SAFB: variants seen among roughly 807,000 people sequenced by gnomAD.
The protein encoded by SAFB is scaffold attachment factor B.
SAFB carries 15 observed loss-of-function variants against 101.6 expected under a neutral mutation model. The observed-to-expected ratio is 0.15, with a 90% CI of 0.10 to 0.23. SAFB has a LOEUF of 0.23. SAFB is among the 10% of genes least tolerant of loss of function. The pLI, the probability that SAFB is intolerant of heterozygous loss-of-function variation, is 1.00. For synonymous variants in SAFB, 449 were observed against 407.5 expected, an observed-to-expected ratio of 1.10 and a Z score of -1.23; for missense variants, 930 against 1,104.1, an observed-to-expected ratio of 0.84 and a Z score of 2.23.
chr19:5,663,567 CTTCTGATGACAG>C (rs1180919161), intron 15 of SAFB, among the ~76,000 whole-genome samples: 1 of 152,116 alleles, frequency 6.6e-6, no homozygotes, highest in Non-Finnish European at 1.5e-5. Flanking sequence ...GTACGAAATC[CTTCTGATGACAG>C]TTCATTATGG....
intron 17 of SAFB, 29 bp downstream of exon 17, chr19:5,664,468 A>G (rs753449063): frequency 1.3e-6 from 2 of 1,583,152 alleles, no homozygotes; most frequent in Middle Eastern, 1.7e-4. Context: ...TGGTAGCCAC[A>G]GAATTTCCCA....
Position 5,668,234 on chromosome 19 carries a change from TGGAGGCCAG to T in SAFB, c.2698_2706del (p.Gly900_Gln902del). 1 of 1,610,652 alleles carries T rather than the reference TGGAGGCCAG, an allele frequency of 6.2e-7. No individual in the cohort carries two copies. ...CACACGGTGGCATGCAGGGCGGGTT[TGGAGGCCAG>T]AGCCGGGGGAGCAGGCCCAGCGATG... On this transcript the variant is annotated inframe_deletion, in exon 21 of 21. Coordinates refer to ENST00000588852, the MANE Select transcript of SAFB (RefSeq NM_001201338.2).
chr19:5,661,010 C>G (rs1315753623), intron 14 of SAFB, among the ~76,000 whole-genome samples: 1 of 143,128 alleles, frequency 7.0e-6, no homozygotes, highest in African/African-American at 2.6e-5. Context: ...CTCTGCCTCA[C>G]GGGCTCCAGT....
chr19:5,653,317 A>G (rs2053981445), intron 10 of SAFB, 21 bp from the exon 11 acceptor site: 3 of 1,614,108 alleles, frequency 1.9e-6, no homozygotes, highest in Non-Finnish European at 2.5e-6. Context: ...AATGGGGGTA[A>G]TACTTGATTC....
chr19:5,647,569 G>C (rs1339249118), intron 5 of SAFB, among the ~76,000 whole-genome samples: 12 of 152,222 alleles, frequency 7.9e-5, no homozygotes, highest in African/African-American at 2.9e-4. Flanking sequence ...ACCATGCCAA[G>C]TAAGAGCAGG....
At chr19:5,635,218 T>C (rs2053570967) in intron 2 of SAFB, among the ~76,000 whole-genome samples, 1 of 152,086 alleles carries the variant, frequency 6.6e-6, no homozygotes, top group African/African-American at 2.4e-5. Context: ...TTGGAGACAA[T>C]AAATTGCTAC....
intron 2 of SAFB, 33 bp from the exon 3 acceptor site, chr19:5,641,561 T>G (rs1231453184): frequency 6.3e-7 from 1 of 1,593,268 alleles, no homozygotes; most frequent in South Asian, 1.1e-5. Flanking sequence ...TGCGTATCAT[T>G]TGATCTCATG....
chr19:5,640,078 T>C (rs898975975), intron 2 of SAFB, among the ~76,000 whole-genome samples: 1 of 152,050 alleles, frequency 6.6e-6, no homozygotes, highest in South Asian at 2.1e-4. Flanking sequence ...AGTCCCGAAA[T>C]CCTGACCTCA....
chr19:5,662,270 G>A (rs1425105741), intron 15 of SAFB, among the ~76,000 whole-genome samples: 1 of 152,148 alleles, frequency 6.6e-6, no homozygotes, highest in East Asian at 1.9e-4. Context: ...GGCCAGGGTG[G>A]GCGGATTGCC....
At chr19:5,632,134 G>T (rs2053503112) in intron 2 of SAFB, among the ~76,000 whole-genome samples, 1 of 152,196 alleles carries the variant, frequency 6.6e-6, no homozygotes, top group Non-Finnish European at 1.5e-5. Flanking sequence ...TATGGTGTTT[G>T]AGAATGTTTT....
chr19:5,667,335 C>G lies in SAFB; in HGVS notation c.2454-12C>G, dbSNP rs1290960844. The G allele has an allele frequency of 2.0e-6, 3 of 1,477,572 alleles. No homozygotes were observed. Among genetic ancestry groups the G allele is most frequent in the Admixed American group, 2.8e-5 (1 of 35,656 alleles). The allele number at this position is 1,477,572 out of a possible 1,614,324, so 91.5% of individuals were successfully genotyped here. On this transcript the variant is annotated splice_polypyrimidine_tract_variant and intron_variant, in intron 18 of 20. Transcript: ENST00000588852. This position sits in a 1 kb window ranked among gnomAD's most constrained non-coding sequence, Gnocchi z 4.0. ...TGGGGGCAATCCAAATCAGAGATGT[C>G]TCTCTTTCAAGGGGCAGACGTGACT...
chr19:5,636,908 C>T (rs1223068488), intron 2 of SAFB, among the ~76,000 whole-genome samples: 1 of 151,552 alleles, frequency 6.6e-6, no homozygotes, highest in Non-Finnish European at 1.5e-5. Context: ...AGGGTCTCAC[C>T]GTGTTGACCA....
At chr19:5,650,108 T>C in intron 8 of SAFB, 133 bp downstream of exon 8, 3 of 689,392 alleles carry the variant, frequency 4.4e-6, no homozygotes, top group Non-Finnish European at 5.1e-6. Context: ...GTCTTTCTCC[T>C]TCTCTGCTGT....
chr19:5,667,285 C>G lies in SAFB; in HGVS notation c.2454-62C>G, dbSNP rs1159182839. The G allele has an allele frequency of 9.7e-6, 13 of 1,343,964 alleles. No homozygotes were observed. The highest frequency in any genetic ancestry group is 2.8e-5 in the Admixed American group (1 of 35,414). The allele number at this position is 1,343,964 out of a possible 1,614,324, so 83.3% of individuals were successfully genotyped here. ...GGGATTCACTCTCCAGAAGCCGCCACAGTTATTAGCACAAGAGCCAGAGAT... is the reference window on the plus strand; with the variant it reads ...GGGATTCACTCTCCAGAAGCCGCCAGAGTTATTAGCACAAGAGCCAGAGAT... On this transcript the variant is annotated intron_variant, in intron 18 of 20. Coordinates refer to ENST00000588852, the MANE Select transcript of SAFB (RefSeq NM_001201338.2). The surrounding 1 kb of genome is among the most constrained non-coding windows in gnomAD (Gnocchi z 4.0).
chr19:5,635,147 A>AT (rs1233981729), intron 2 of SAFB, among the ~76,000 whole-genome samples: 1 of 151,856 alleles, frequency 6.6e-6, no homozygotes, highest in African/African-American at 2.4e-5. Context: ...TCAAAAAAAA[A>AT]TTTTTTTTAC....
At chr19:5,650,474 C>G (rs774433134) in intron 8 of SAFB, among the ~76,000 whole-genome samples, 2 of 152,076 alleles carry the variant, frequency 1.3e-5, no homozygotes, top group African/African-American at 4.8e-5. Flanking sequence ...TGCAGTGGCG[C>G]GATCTCAGCT....
chr19:5,655,240 T>A (rs2054029839), intron 13 of SAFB, among the ~76,000 whole-genome samples: 1 of 152,022 alleles, frequency 6.6e-6, no homozygotes, highest in Non-Finnish European at 1.5e-5. Flanking sequence ...GGGAGGATAC[T>A]TGAGCCCAGG....
intron 1 of SAFB, among the ~76,000 whole-genome samples, chr19:5,623,726 C>T (rs369057637): frequency 1.6e-4 from 25 of 151,976 alleles, no homozygotes; most frequent in African/African-American, 6.0e-4. Flanking sequence ...ACCCTGAAAC[C>T]CTCACTTCCC....
chr19:5,628,175 C>T (rs919337482), intron 2 of SAFB, among the ~76,000 whole-genome samples: 2 of 152,082 alleles, frequency 1.3e-5, no homozygotes, highest in African/African-American at 2.4e-5. Context: ...TGCCTGAACC[C>T]AGGAGGTGGA....
Sources: allele counts gnomAD v4.1 joint callset (sites outside exome capture counted in the v4.1 genomes callset), GRCh38; gene constraint gnomAD v4.1.1; non-coding constraint Gnocchi (gnomAD v3.1); transcripts MANE v1.5; gene names NCBI Gene and HGNC (gene_info 2026-07-23, HGNC 2026-07-21).